The following PCDHGA1 variants were observed in gnomAD, a reference collection of about 807,000 sequenced individuals.
The protein encoded by PCDHGA1 is protocadherin gamma subfamily A, 1.
PCDHGA1 carries 32 observed loss-of-function variants against 58.0 expected under a neutral mutation model. The observed-to-expected ratio is 0.55, with a 90% CI of 0.42 to 0.74. The LOEUF (loss-of-function observed/expected upper bound fraction) is 0.74, where lower values mean the gene tolerates loss of function less well. PCDHGA1 is among the 30% of genes least tolerant of loss of function. The pLI, the probability that PCDHGA1 is intolerant of heterozygous loss-of-function variation, is 0.00. For missense variants in PCDHGA1, 1,205 were observed against 1,182.3 expected (o/e 1.02, Z -0.28); for synonymous variants, 498 against 501.1 (o/e 0.99, Z 0.08).
intron 1 of PCDHGA1, chr5:141,413,762 C>A: frequency 1.2e-6 from 2 of 1,612,894 alleles, no homozygotes; most frequent in Non-Finnish European, 8.5e-7. Flanking sequence ...GTCAAGTACC[C>A]GGAGCTGGTA....
intron 1 of PCDHGA1, among the ~76,000 whole-genome samples, chr5:141,387,290 A>G (rs2090890389): frequency 6.6e-6 from 1 of 152,168 alleles, no homozygotes; most frequent in Non-Finnish European, 1.5e-5. Flanking sequence ...GAAAGATAAA[A>G]TGTATCCAGT....
intron 1 of PCDHGA1, chr5:141,395,163 G>A: frequency 6.2e-7 from 1 of 1,614,160 alleles, no homozygotes; most frequent in Middle Eastern, 1.6e-4. Flanking sequence ...CAGTCAGGAG[G>A]GCTGTGAGAA....
Position 141,512,288 on chromosome 5 carries a change from TCAGCGGAGCCCCAGCAGGAAGGGTGGGC to T in PCDHGA1, c.*1120_*1147del, listed in dbSNP as rs1375137843. The T allele has an allele frequency of 6.5e-6, 1 of 152,680 alleles. No individual in the cohort carries two copies. Among genetic ancestry groups the T allele is most frequent in the Non-Finnish European group, 1.5e-5 (1 of 68,182 alleles). The allele number at this position is 152,680 out of a possible 1,614,324, so 9.5% of individuals were successfully genotyped here. ...TCCAGAGGTGCCACTGGTGGAAGGG[TCAGCGGAGCCCCAGCAGGAAGGGTGGGC>T]CAGCCAGGCCATTCTTAGTCCCTGG... On this transcript the variant is annotated 3_prime_UTR_variant, in exon 4 of 4. Coordinates refer to ENST00000517417, the MANE Select transcript of PCDHGA1 (RefSeq NM_018912.3).
intron 1 of PCDHGA1, chr5:141,351,582 T>C: frequency 2.5e-6 from 4 of 1,614,014 alleles, no homozygotes; most frequent in Non-Finnish European, 3.4e-6. Flanking sequence ...ATCTCCGACA[T>C]CAACGACAAT....
chr5:141,512,656 C>G lies in PCDHGA1; in HGVS notation c.*1483C>G, dbSNP rs1262748947. ...CCCTTACAGTAGTGTAGCGCCCCCT[C>G]CCTCTTTCGGCTGGTGTAGAATAGC... On this transcript the variant is annotated 3_prime_UTR_variant, in exon 4 of 4. Coordinates refer to ENST00000517417, the MANE Select transcript of PCDHGA1 (RefSeq NM_018912.3). 1 of 152,508 alleles carries G rather than the reference C, an allele frequency of 6.6e-6. No homozygotes were observed. The highest frequency in any genetic ancestry group is 1.5e-5 in the Non-Finnish European group (1 of 68,228). The allele number at this position is 152,508 out of a possible 1,614,324, so 9.4% of individuals were successfully genotyped here.
chr5:141,380,370 G>T (rs1427266285), intron 1 of PCDHGA1, among the ~76,000 whole-genome samples: 2 of 152,084 alleles, frequency 1.3e-5, no homozygotes, highest in Admixed American at 1.3e-4. Context: ...AGAAAAAAAA[G>T]TCCCAAAAAA....
At chr5:141,441,127 G>A (rs1224106490) in intron 1 of PCDHGA1, 2 of 152,138 alleles carry the variant, frequency 1.3e-5, no homozygotes, top group African/African-American at 2.4e-5. Context: ...AGTTGAGACC[G>A]AATTTCTAGA....
chr5:141,360,269 CG>C, intron 1 of PCDHGA1: 1 of 1,613,932 alleles, frequency 6.2e-7, no homozygotes, highest in African/African-American at 1.3e-5. Flanking sequence ...GCCAAAAACT[CG>C]GTCGTAGGAA....
intron 1 of PCDHGA1, chr5:141,390,870 G>A (rs1003231489): frequency 2.2e-5 from 3 of 134,656 alleles, no homozygotes; most frequent in African/African-American, 9.4e-5. Context: ...GTGTGTGCGT[G>A]TGTGTGTGTG....
intron 1 of PCDHGA1, among the ~76,000 whole-genome samples, chr5:141,445,720 G>T (rs2098475440): frequency 6.6e-6 from 1 of 152,158 alleles, no homozygotes; most frequent in Non-Finnish European, 1.5e-5. Flanking sequence ...AGAGGAAATA[G>T]CATGTGTAAA....
chr5:141,486,401 G>T lies in PCDHGA1; in HGVS notation c.2422-8406G>T. 6.2e-7 allele frequency: 1 copy of T among 1,614,174 alleles called. No individual in the cohort carries two copies. On this transcript the variant is annotated intron_variant, in intron 1 of 3. Transcript: ENST00000517417. The surrounding 1 kb of genome is among the most constrained non-coding windows in gnomAD (Gnocchi z 5.0). ...CAGGAACCAGTTCTCCCTGGTGACT[G>T]CTGGACCCTTGGATCGAGAGGCCAA...
At position 141,512,091 on chromosome 5, in the gene PCDHGA1, A is replaced by C. The variant is rs1329025049; in HGVS notation, c.*918A>C. On this transcript the variant is annotated 3_prime_UTR_variant, in exon 4 of 4. Transcript: ENST00000517417. The stretch of plus-strand genomic sequence containing the variant: ...TCCAGATTCCAGCCATAAACCAATA[A>C]CTAGGCTGGACCCTTCCCACTACAT... 1 of 152,656 alleles carries C rather than the reference A, an allele frequency of 6.6e-6. No homozygotes were observed. The highest frequency in any genetic ancestry group is 2.4e-5 in the African/African-American group (1 of 41,456). 9.5% of individuals were successfully genotyped at this position (152,656 alleles called of 1,614,324 possible). A position where few individuals can be genotyped will look rare whatever the true frequency, so the allele number is the denominator to read the frequency against.
At chr5:141,378,342 G>T (rs1774822998) in intron 1 of PCDHGA1, 1 of 152,204 alleles carries the variant, frequency 6.6e-6, no homozygotes, top group African/African-American at 2.4e-5. Context: ...GACCAACATG[G>T]TGAAACCCCG....
At chr5:141,353,394 T>A (rs918284618) in intron 1 of PCDHGA1, among the ~76,000 whole-genome samples, 2 of 152,252 alleles carry the variant, frequency 1.3e-5, no homozygotes, top group Non-Finnish European at 2.9e-5. Context: ...AATTATGTAA[T>A]TAATGTAATC....
chr5:141,367,287 C>T (rs1765038188), intron 1 of PCDHGA1: 2 of 153,044 alleles, frequency 1.3e-5, no homozygotes, highest in African/African-American at 2.4e-5. Flanking sequence ...GCCTGTAATC[C>T]CAGCACTTTG....
At chr5:141,360,210 C>T (rs748051773) in intron 1 of PCDHGA1, 2 of 1,613,122 alleles carry the variant, frequency 1.2e-6, no homozygotes, top group Non-Finnish European at 1.7e-6. Context: ...TGTCTTTGTT[C>T]CCCGGGGCTC....
chr5:141,357,361 A>G, intron 1 of PCDHGA1: 1 of 1,614,126 alleles, frequency 6.2e-7, no homozygotes, highest in Non-Finnish European at 8.5e-7. Flanking sequence ...ACGCTGGCAC[A>G]AGTCACGCCT....
At chr5:141,398,611 A>C (rs2093677658) in intron 1 of PCDHGA1, 3 of 1,613,944 alleles carry the variant, frequency 1.9e-6, no homozygotes, top group Non-Finnish European at 2.5e-6. Flanking sequence ...AGATGCAGAT[A>C]TTGGCTTAAA....
intron 1 of PCDHGA1, chr5:141,365,265 C>T: frequency 1.2e-6 from 2 of 1,613,964 alleles, no homozygotes; most frequent in African/African-American, 1.3e-5. Context: ...TATGAAGAAT[C>T]CAGATTCTAC....
Sources: gnomAD v4.1 joint callset for allele counts (sites outside exome capture counted in the v4.1 genomes callset) on GRCh38, gnomAD v4.1.1 for gene constraint, Gnocchi (gnomAD v3.1) non-coding constraint, MANE v1.5 for transcripts, NCBI Gene and HGNC (gene_info 2026-07-23, HGNC 2026-07-21) for gene names.